Variants in GSG1L observed in about 807,000 individuals in gnomAD.
GSG1L encodes germ cell-specific gene 1-like protein.
In GSG1L, 24 loss-of-function variants were observed where a neutral mutation model predicts 42.1. The ratio of observed to expected loss-of-function variants is 0.57; its 90% confidence interval spans 0.41 to 0.80. The LOEUF (loss-of-function observed/expected upper bound fraction) is 0.80, where lower values mean the gene tolerates loss of function less well. Ranked by LOEUF, GSG1L falls within the 30% of genes least tolerant of loss-of-function variation. GSG1L has a pLI of 0.00. For missense variants in GSG1L, 445 were observed against 472.2 expected (o/e 0.94, Z 0.53); for synonymous variants, 215 against 203.5 (o/e 1.06, Z -0.48).
rs201720933 is a variant in GSG1L, at chr16:28,047,526, T to G, written c.349+15550A>C. Among the ~76,000 whole-genome samples, 61 of 152,204 alleles carry G rather than the reference T, an allele frequency of 4.0e-4. No individual in the cohort carries two copies. The East Asian group carries it at 0.011, about 28-fold the overall frequency. ...CTCTCGGATTGTACCAAAAAATAAG[T>G]AAATAAAGCTAACTCTATGTTCTTA... On this transcript the variant is annotated intron_variant, in intron 1 of 6. Coordinates refer to ENST00000447459, the MANE Select transcript of GSG1L (RefSeq NM_001109763.2).
intron 3 of GSG1L, among the ~76,000 whole-genome samples, chr16:27,873,944 A>T (rs1474067705): frequency 6.6e-6 from 1 of 152,228 alleles, no homozygotes; most frequent in African/African-American, 2.4e-5. Context: ...TGCTTAAGGC[A>T]TTAGTCCCCA....
At chr16:28,052,538 C>G (rs2086231934) in intron 1 of GSG1L, among the ~76,000 whole-genome samples, 1 of 152,076 alleles carries the variant, frequency 6.6e-6, no homozygotes, top group African/African-American at 2.4e-5. Context: ...CAGGATGGTC[C>G]GTGCCACTTC....
At chr16:28,048,115 CTACTCAGGAGGCTGAGA>C (rs1415311599) in intron 1 of GSG1L, among the ~76,000 whole-genome samples, 1 of 151,604 alleles carries the variant, frequency 6.6e-6, no homozygotes, top group Non-Finnish European at 1.5e-5. Flanking sequence ...TTTAGTCCCA[CTACTCAGGAGGCTGAGA>C]TGGAAGGATC....
chr16:28,035,857 G>A (rs868707630), intron 1 of GSG1L, among the ~76,000 whole-genome samples: 1 of 152,092 alleles, frequency 6.6e-6, no homozygotes, highest in Admixed American at 6.6e-5. Flanking sequence ...CCCAGCTTAC[G>A]GGGCCACTTC....
At position 27,874,441 on chromosome 16, in the gene GSG1L, CTTTTTTTTTTTTTTTT is replaced by C. The variant is rs71140916; in HGVS notation, c.550+10029_550+10044del. On this transcript the variant is annotated intron_variant, in intron 3 of 6. Coordinates refer to ENST00000447459, the MANE Select transcript of GSG1L (RefSeq NM_001109763.2). The stretch of plus-strand genomic sequence containing the variant: ...TCTGGACACTGAAGCACAGGAGAGC[CTTTTTTTTTTTTTTTT>C]TTTTTTTTTTTTTGGACAGGGACTT... 6.1e-3 allele frequency among the ~76,000 whole-genome samples: 575 copies of C among 94,484 alleles called. 10 individuals are homozygous for C. The highest frequency in any genetic ancestry group is 0.019 in the African/African-American group (526 of 27,002). 62.0% of individuals were successfully genotyped at this position (94,484 alleles called of 152,430 possible).
chr16:27,883,260 T>C (rs2083982973), intron 3 of GSG1L, among the ~76,000 whole-genome samples: 1 of 91,266 alleles, frequency 1.1e-5, no homozygotes, highest in Non-Finnish European at 2.5e-5. Flanking sequence ...AAATAAAAGA[T>C]GGAGGGGAAA....
chr16:27,799,976 C>T (rs1273103435), intron 6 of GSG1L, among the ~76,000 whole-genome samples: 3 of 152,106 alleles, frequency 2.0e-5, no homozygotes, highest in East Asian at 1.9e-4. Flanking sequence ...CTTAGAGCTG[C>T]GGAACCCTGG....
At position 27,870,845 on chromosome 16, in the gene GSG1L, C is replaced by T. The variant is rs754603139; in HGVS notation, c.550+13641G>A. ...TCTCTGGAGCCCATCCACAGTCCTCCGTTCCCTCTGCCACCATCTCCTTGT... is the reference window on the plus strand; with the variant it reads ...TCTCTGGAGCCCATCCACAGTCCTCTGTTCCCTCTGCCACCATCTCCTTGT... On this transcript the variant is annotated intron_variant, in intron 3 of 6. Transcript: ENST00000447459. Among the ~76,000 whole-genome samples the T allele has an allele frequency of 1.9e-4, 28 of 151,348 alleles. 2 individuals are homozygous for T. Among genetic ancestry groups the T allele is most frequent in the African/African-American group, 4.9e-4 (20 of 40,668 alleles).
intron 6 of GSG1L, among the ~76,000 whole-genome samples, chr16:27,804,754 G>GGGA (rs1226027523): frequency 2.5e-5 from 1 of 40,388 alleles, no homozygotes; most frequent in African/African-American, 1.2e-4. Context: ...ATTGGGGGTA[G>GGGA]GGAGAGGGCT....
intron 1 of GSG1L, among the ~76,000 whole-genome samples, chr16:27,995,978 T>C (rs777734187): frequency 6.6e-6 from 1 of 151,792 alleles, no homozygotes; most frequent in African/African-American, 2.4e-5. Flanking sequence ...GATGGGAGGA[T>C]TGCTTGAGCC....
rs1597462437 is a variant in GSG1L, at chr16:27,805,709, G to C, written c.898+1778C>G. Reference sequence around the variant, plus strand: ...ATTGGGGGTGGGGGGAGGGCTGTGGGCACTGGGATTGGGGTGGGGGGAGGG... The same window carrying C: ...ATTGGGGGTGGGGGGAGGGCTGTGGCCACTGGGATTGGGGTGGGGGGAGGG... On this transcript the variant is annotated intron_variant, in intron 6 of 6. Transcript: ENST00000447459. 1.1e-3 allele frequency among the ~76,000 whole-genome samples: 2 copies of C among 1,896 alleles called. 1 individual carries two copies. Among genetic ancestry groups the C allele is most frequent in the Non-Finnish European group, 2.3e-3 (2 of 854 alleles). 1.2% of individuals were successfully genotyped at this position (1,896 alleles called of 152,430 possible). A position where few individuals can be genotyped will look rare whatever the true frequency, so the allele number is the denominator to read the frequency against.
chr16:28,027,286 AG>A (rs1460932561), intron 1 of GSG1L, among the ~76,000 whole-genome samples: 1 of 152,184 alleles, frequency 6.6e-6, no homozygotes, highest in African/African-American at 2.4e-5. Context: ...CACACGCTGC[AG>A]GCCATGGTGA....
rs1437947982 is a variant in GSG1L, at chr16:27,906,257, T to C, written c.398-21619A>G. On this transcript the variant is annotated intron_variant, in intron 2 of 6. Coordinates refer to ENST00000447459, the MANE Select transcript of GSG1L (RefSeq NM_001109763.2). Reference sequence around the variant, plus strand: ...AATTTAAATTAAGGCACTCATGAGATAGAGCTTGTAGCCAGCATATTAAGC... The same window carrying C: ...AATTTAAATTAAGGCACTCATGAGACAGAGCTTGTAGCCAGCATATTAAGC... Among the ~76,000 whole-genome samples the C allele has an allele frequency of 2.6e-5, 4 of 152,316 alleles. No individual in the cohort carries two copies. The East Asian group carries it at 7.7e-4, about 29-fold the overall frequency.
intron 4 of GSG1L, among the ~76,000 whole-genome samples, chr16:27,835,429 G>T (rs1186018382): frequency 6.6e-6 from 1 of 151,948 alleles, no homozygotes; most frequent in African/African-American, 2.4e-5. Context: ...ACATAGTTTT[G>T]GGTCATATGT....
At chr16:27,973,718 G>A (rs2141117791) in intron 1 of GSG1L, among the ~76,000 whole-genome samples, 1 of 152,270 alleles carries the variant, frequency 6.6e-6, no homozygotes, top group Admixed American at 6.5e-5. Context: ...GAACCTTTTG[G>A]TGCCTCAGTT....
At chr16:27,799,388 TA>T (rs2082857358) in intron 6 of GSG1L, among the ~76,000 whole-genome samples, 2 of 151,398 alleles carry the variant, frequency 1.3e-5, no homozygotes, top group Non-Finnish European at 2.9e-5. Flanking sequence ...ATTGGAAACA[TA>T]AAAAAAATTA....
Position 27,833,548 on chromosome 16 carries a change from A to G in GSG1L, c.663-4592T>C, listed in dbSNP as rs1035351908. Among the ~76,000 whole-genome samples, 3 of 152,132 alleles carry G rather than the reference A, an allele frequency of 2.0e-5. 1 individual carries two copies. Among genetic ancestry groups the G allele is most frequent in the African/African-American group, 7.2e-5 (3 of 41,438 alleles). On this transcript the variant is annotated intron_variant, in intron 4 of 6. Coordinates refer to ENST00000447459, the MANE Select transcript of GSG1L (RefSeq NM_001109763.2). ...TTATAAGAAATTTGATGTCTTCTCT[A>G]TATACTGAGTGTTCTGATCCATGAA... is the stretch of plus-strand genomic sequence containing the variant.
chr16:28,024,229 G>A (rs1304818434), intron 1 of GSG1L, among the ~76,000 whole-genome samples: 1 of 152,164 alleles, frequency 6.6e-6, no homozygotes, highest in Non-Finnish European at 1.5e-5. Context: ...AACCAGGTGA[G>A]ACACATGGAG....
At chr16:27,802,811 T>C (rs1253919514) in intron 6 of GSG1L, among the ~76,000 whole-genome samples, 1 of 152,190 alleles carries the variant, frequency 6.6e-6, no homozygotes, top group East Asian at 1.9e-4. Flanking sequence ...TGCACCACCA[T>C]GCCCAGCTAA....
Sources: allele counts gnomAD v4.1 joint callset (sites outside exome capture counted in the v4.1 genomes callset), GRCh38; gene constraint gnomAD v4.1.1; transcripts MANE v1.5; gene names NCBI Gene and HGNC (gene_info 2026-07-23, HGNC 2026-07-21).